CCNY: variants seen among roughly 807,000 people sequenced by gnomAD.
CCNY encodes cyclin-Y.
CCNY carries 19 observed loss-of-function variants against 42.8 expected under a neutral mutation model. That is an observed-to-expected ratio of 0.44 (90% confidence interval 0.31 to 0.65). The LOEUF (loss-of-function observed/expected upper bound fraction) is 0.65, where lower values mean the gene tolerates loss of function less well. Ranked by LOEUF, CCNY falls within the 30% of genes least tolerant of loss-of-function variation. CCNY has a pLI of 0.07. For synonymous variants in CCNY, 165 were observed against 162.7 expected, an observed-to-expected ratio of 1.01 and a Z score of -0.11; for missense variants, 370 against 437.3, an observed-to-expected ratio of 0.85 and a Z score of 1.37.
chr10:35,513,839 T>G (rs1840370878), intron 3 of CCNY, among the ~76,000 whole-genome samples: 1 of 152,198 alleles, frequency 6.6e-6, no homozygotes, highest in Admixed American at 6.5e-5. Context: ...CACGCACATG[T>G]ACAAGCATAC....
At chr10:35,355,405 G>A (rs1194751497) in intron 1 of CCNY, among the ~76,000 whole-genome samples, 8 of 151,994 alleles carry the variant, frequency 5.3e-5, no homozygotes, top group Non-Finnish European at 1.2e-4. Context: ...TGCTGCGTGC[G>A]GTGGCTCCTG....
In CCNY at chr10:35,570,767, G is replaced by A. The variant is rs1841670869; in HGVS notation, c.*1597G>A. Reference sequence around the variant, plus strand: ...ACATTGCCTGCTCTCAATGAAACATGCTTTGGAAATGGAAGGGACTCAGAA... The same window carrying A: ...ACATTGCCTGCTCTCAATGAAACATACTTTGGAAATGGAAGGGACTCAGAA... On this transcript the variant is annotated 3_prime_UTR_variant, in exon 10 of 10. Coordinates refer to ENST00000374704, the MANE Select transcript of CCNY (RefSeq NM_145012.6). 6.6e-6 allele frequency: 1 copy of A among 152,326 alleles called. No homozygotes were observed. Among genetic ancestry groups the A allele is most frequent in the Non-Finnish European group, 1.5e-5 (1 of 68,044 alleles). The allele number at this position is 152,326 out of a possible 1,614,324, so 9.4% of individuals were successfully genotyped here. A position where few individuals can be genotyped will look rare whatever the true frequency, so the allele number is the denominator to read the frequency against.
upstream of CCNY, among the ~76,000 whole-genome samples, chr10:35,334,484 G>T (rs770222112): frequency 3.9e-5 from 6 of 152,120 alleles, no homozygotes; most frequent in Non-Finnish European, 7.4e-5. Flanking sequence ...ATACACACAT[G>T]CAAGTGTAAA....
intron 3 of CCNY, among the ~76,000 whole-genome samples, chr10:35,260,433 C>T (rs2095718700): frequency 6.6e-6 from 1 of 152,206 alleles, no homozygotes; most frequent in South Asian, 2.1e-4. Flanking sequence ...CTCCCCTCCC[C>T]TCCCAGAATT....
intron 1 of CCNY, among the ~76,000 whole-genome samples, chr10:35,408,988 AAG>A (rs938992021): frequency 2.0e-5 from 3 of 152,056 alleles, no homozygotes; most frequent in Admixed American, 6.5e-5. Context: ...GAAAAACAAA[AAG>A]AGTTATTTTG....
intron 1 of CCNY, among the ~76,000 whole-genome samples, chr10:35,437,715 T>C (rs1017598079): frequency 6.6e-6 from 1 of 151,914 alleles, no homozygotes; most frequent in Non-Finnish European, 1.5e-5. Context: ...CTAGTATGAA[T>C]AGAGTGAGAA....
intron 1 of CCNY, among the ~76,000 whole-genome samples, chr10:35,370,757 C>T (rs1353365115): frequency 6.6e-6 from 1 of 151,648 alleles, no homozygotes; most frequent in Admixed American, 6.6e-5. Context: ...GCACTTTCGC[C>T]CAGGCTGGAG....
chr10:35,511,899 G>T (rs1840332342), intron 3 of CCNY, among the ~76,000 whole-genome samples: 1 of 152,250 alleles, frequency 6.6e-6, no homozygotes, highest in African/African-American at 2.4e-5. Context: ...GAGAACGTCA[G>T]AACCATCTAG....
intron 3 of CCNY, among the ~76,000 whole-genome samples, chr10:35,511,119 C>T (rs1374195815): frequency 6.6e-6 from 1 of 152,226 alleles, no homozygotes; most frequent in Non-Finnish European, 1.5e-5. Flanking sequence ...CCCTTTCTGC[C>T]GTAACACAGC....
At chr10:35,249,520 T>C (rs2095710348) in intron 2 of CCNY, among the ~76,000 whole-genome samples, 1 of 152,238 alleles carries the variant, frequency 6.6e-6, no homozygotes. Context: ...GTTGACTTAT[T>C]TGGGGTATTT....
At chr10:35,328,739 A>C (rs925155366) in intron 3 of CCNY, among the ~76,000 whole-genome samples, 1 of 152,222 alleles carries the variant, frequency 6.6e-6, no homozygotes, top group African/African-American at 2.4e-5. Flanking sequence ...GTTTAGTTGA[A>C]TCCAGCTCTC....
At chr10:35,455,725 A>G (rs1297546513) in intron 1 of CCNY, among the ~76,000 whole-genome samples, 2 of 151,430 alleles carry the variant, frequency 1.3e-5, no homozygotes, top group Non-Finnish European at 2.9e-5. Context: ...GGCTCTTGGC[A>G]TATTTTATTG....
intron 3 of CCNY, among the ~76,000 whole-genome samples, chr10:35,295,207 T>C (rs547195458): frequency 8.5e-4 from 128 of 150,550 alleles, no homozygotes; most frequent in African/African-American, 2.7e-3. Context: ...CAGATATTGA[T>C]AAATAAGTTA....
chr10:35,317,898 T>C (rs962711161), intron 3 of CCNY, among the ~76,000 whole-genome samples: 4 of 152,202 alleles, frequency 2.6e-5, no homozygotes, highest in African/African-American at 4.8e-5. Context: ...TACACAACCA[T>C]TGTTAGTAAC....
At chr10:35,283,805 C>T (rs142188186) in intron 3 of CCNY, among the ~76,000 whole-genome samples, 301 of 152,168 alleles carry the variant, frequency 2.0e-3, no homozygotes, top group African/African-American at 6.5e-3. Flanking sequence ...TTAATTGGGC[C>T]GGGCGAGGTG....
intron 1 of CCNY, among the ~76,000 whole-genome samples, chr10:35,482,292 C>T (rs749118007): frequency 8.1e-4 from 124 of 152,306 alleles, no homozygotes; most frequent in Non-Finnish European, 1.3e-3. Context: ...TTAGGTTTCT[C>T]TGCAAATTTA....
At chr10:35,436,053 A>G (rs1269760922) in intron 1 of CCNY, among the ~76,000 whole-genome samples, 2 of 152,124 alleles carry the variant, frequency 1.3e-5, no homozygotes, top group Non-Finnish European at 2.9e-5. Flanking sequence ...TTTCAGGTGG[A>G]GAGAGAAGCC....
At chr10:35,394,057 G>T (rs144351538) in intron 1 of CCNY, among the ~76,000 whole-genome samples, 1 of 152,210 alleles carries the variant, frequency 6.6e-6, no homozygotes, top group Non-Finnish European at 1.5e-5. Flanking sequence ...GTTTGGTTCA[G>T]TGGACCCGTT....
At chr10:35,550,763 C>G (rs1330996105) in intron 7 of CCNY, among the ~76,000 whole-genome samples, 1 of 152,066 alleles carries the variant, frequency 6.6e-6, no homozygotes, top group Non-Finnish European at 1.5e-5. Context: ...CACCACATAC[C>G]AGGTTTTACT....
Sources: allele counts gnomAD v4.1 joint callset (sites outside exome capture counted in the v4.1 genomes callset), GRCh38; gene constraint gnomAD v4.1.1; transcripts MANE v1.5; gene names NCBI Gene and HGNC (gene_info 2026-07-23, HGNC 2026-07-21).